TRPV3: variants seen among roughly 807,000 people sequenced by gnomAD.
TRPV3 encodes the protein VRL-3.
Under a neutral mutation model 87.1 loss-of-function variants are expected in TRPV3, and 88 were observed. The observed-to-expected ratio is 1.01, with a 90% confidence interval of 0.85 to 1.21. TRPV3 has a LOEUF of 1.21. Ranked by LOEUF, TRPV3 falls within the 50% of genes most tolerant of loss-of-function variation. The pLI, the probability that TRPV3 is intolerant of heterozygous loss-of-function variation, is 0.00. For missense variants in TRPV3, 1,054 were observed against 1,030.1 expected, an observed-to-expected ratio of 1.02 and a Z score of -0.32; for synonymous variants, 438 against 423.3, an observed-to-expected ratio of 1.03 and a Z score of -0.43.
chr17:3,541,616 A>T lies in TRPV3; in HGVS notation c.643+906T>A, dbSNP rs1567641619. Among the ~76,000 whole-genome samples the T allele has an allele frequency of 3.3e-5, 5 of 152,320 alleles. No individual in the cohort carries two copies. The South Asian group carries it at 1.0e-3, about 32-fold the overall frequency. On this transcript the variant is annotated intron_variant, in intron 6 of 17. Transcript: ENST00000576742. ...CTCTGGCCCACTTACAAAGAAATCC[A>T]CAAAACTGAGACCCAAATGGGGACA...
chr17:3,532,653 C>A lies in TRPV3; in HGVS notation c.1065+4G>T. 1.2e-6 allele frequency: 2 copies of A among 1,613,684 alleles called. No homozygotes were observed. Among genetic ancestry groups the A allele is most frequent in the Non-Finnish European group, 1.7e-6 (2 of 1,179,838 alleles). On this transcript the variant is annotated splice_donor_region_variant and intron_variant, in intron 8 of 17. Transcript: ENST00000576742. Reference sequence around the variant, plus strand: ...TCCTGCCTCCCCACGCCCCATGGCCCCACCTCCGCCTTGCCCATCTTGGCG... The same window carrying A: ...TCCTGCCTCCCCACGCCCCATGGCCACACCTCCGCCTTGCCCATCTTGGCG...
intron 12 of TRPV3, 100 bp from the exon 13 acceptor site, chr17:3,524,463 C>T: frequency 6.8e-7 from 1 of 1,468,132 alleles, no homozygotes; most frequent in Non-Finnish European, 9.2e-7. Context: ...CCTGAACAGT[C>T]ACCCCGGTGA....
At position 3,528,645 on chromosome 17, in the gene TRPV3, G is replaced by A. The variant is rs975258917; in HGVS notation, c.1401+192C>T. Among the ~76,000 whole-genome samples the A allele has an allele frequency of 2.0e-5, 3 of 152,164 alleles. No individual in the cohort carries two copies. The highest frequency in any genetic ancestry group is 4.4e-5 in the Non-Finnish European group (3 of 68,026). On this transcript the variant is annotated intron_variant, in intron 10 of 17. Transcript: ENST00000576742. The surrounding 1 kb of genome is among the most constrained non-coding windows in gnomAD (Gnocchi z 4.2). ...CAGCAAGGGTCTGCCCTTGGGACTC[G>A]GCACCTGGGGCTTAGCCCAGGCTAA...
In TRPV3 at chr17:3,544,562, G is replaced by A; in HGVS notation, c.311+17C>T. On this transcript the variant is annotated intron_variant, in intron 4 of 17. Transcript: ENST00000576742. The stretch of plus-strand genomic sequence containing the variant: ...CCTGGGTGGGCACAGTGGGTGGAGG[G>A]GGAGGGGCAGACTTACCTGGGGCTG... The A allele has an allele frequency of 1.3e-6, 2 of 1,546,662 alleles. No individual in the cohort carries two copies. The highest frequency in any genetic ancestry group is 1.8e-6 in the Non-Finnish European group (2 of 1,130,728).
intron 11 of TRPV3, among the ~76,000 whole-genome samples, chr17:3,527,525 C>T (rs1275781021): frequency 1.3e-5 from 2 of 152,194 alleles, no homozygotes; most frequent in Admixed American, 6.5e-5. Context: ...ACCCTGTCAC[C>T]TCCTCCAGGG....
At position 3,518,477 on chromosome 17, in the gene TRPV3, G is replaced by T; in HGVS notation, c.2085+99C>A. Reference sequence around the variant, plus strand: ...CTGAGGAGCTTGTGCAGATTCTCAGGCCCCACCTCAGACCCACTGGTGCTG... The same window carrying T: ...CTGAGGAGCTTGTGCAGATTCTCAGTCCCCACCTCAGACCCACTGGTGCTG... On this transcript the variant is annotated intron_variant, in intron 15 of 17. Transcript: ENST00000576742. This position sits in a 1 kb window ranked among gnomAD's most constrained non-coding sequence, Gnocchi z 4.3. The T allele has an allele frequency of 7.3e-7, 1 of 1,375,382 alleles. No homozygotes were observed. The highest frequency in any genetic ancestry group is 9.7e-7 in the Non-Finnish European group (1 of 1,030,570). 85.2% of individuals were successfully genotyped at this position (1,375,382 alleles called of 1,614,324 possible).
chr17:3,543,833 C>T (rs1456737611), intron 4 of TRPV3, among the ~76,000 whole-genome samples: 1 of 152,144 alleles, frequency 6.6e-6, no homozygotes, highest in Admixed American at 6.6e-5. Context: ...GTCAAAATAC[C>T]TACATTTGGA....
intron 14 of TRPV3, among the ~76,000 whole-genome samples, chr17:3,520,424 C>A (rs1208092386): frequency 1.3e-5 from 2 of 152,162 alleles, no homozygotes; most frequent in Non-Finnish European, 2.9e-5. Context: ...CAAAGACCAT[C>A]AGTTGAGTTT....
At chr17:3,543,677 C>T (rs776715066) in intron 4 of TRPV3, 49 bp from the exon 5 acceptor site, 13 of 1,604,904 alleles carry the variant, frequency 8.1e-6, no homozygotes, top group Non-Finnish European at 1.0e-5. Context: ...CTCTCAAGCT[C>T]AATCTCTCCT....
At chr17:3,537,675 G>A (rs914172591) in intron 6 of TRPV3, among the ~76,000 whole-genome samples, 8 of 152,134 alleles carry the variant, frequency 5.3e-5, no homozygotes, top group Non-Finnish European at 1.2e-4. Flanking sequence ...AAGCCGAGGC[G>A]GGTGGATCAC....
At chr17:3,521,151 T>C (rs866539135) in intron 13 of TRPV3, 112 bp from the exon 14 acceptor site, 36 of 460,242 alleles carry the variant, frequency 7.8e-5, no homozygotes, top group Non-Finnish European at 1.2e-4. Context: ...TCTCTTCACT[T>C]GGGCCACTCT....
intron 16 of TRPV3, 98 bp downstream of exon 16, chr17:3,516,359 G>C (rs1306030211): frequency 1.1e-6 from 1 of 929,048 alleles, no homozygotes; most frequent in Non-Finnish European, 1.8e-6. Flanking sequence ...GTTATGGTTA[G>C]CAAGTGGCGG....
chr17:3,526,738 G>C, intron 12 of TRPV3, 116 bp downstream of exon 12: 1 of 800,362 alleles, frequency 1.2e-6, no homozygotes, highest in South Asian at 1.6e-5. Context: ...CCATGGCAGA[G>C]TGACTGGGAC....
intron 7 of TRPV3, among the ~76,000 whole-genome samples, chr17:3,534,191 A>G (rs1227134429): frequency 1.3e-5 from 2 of 152,128 alleles, no homozygotes; most frequent in Non-Finnish European, 2.9e-5. Flanking sequence ...CCCGTTTTCC[A>G]GGACACCCAC....
Position 3,557,290 on chromosome 17 carries a change from C to A in TRPV3, c.-3+386G>T, listed in dbSNP as rs1166018346. Among the ~76,000 whole-genome samples the A allele has an allele frequency of 1.3e-5, 2 of 152,120 alleles. No homozygotes were observed. The highest frequency in any genetic ancestry group is 1.3e-4 in the Admixed American group (2 of 15,274). ...GCCCCGTCTGTCTCCCACGGTGGGG[C>A]CACCTCCTCCCATCCTGAACTCCCA... On this transcript the variant is annotated intron_variant, in intron 1 of 17. Coordinates refer to ENST00000576742, the MANE Select transcript of TRPV3 (RefSeq NM_145068.4). The surrounding 1 kb of genome is among the most constrained non-coding windows in gnomAD (Gnocchi z 4.5).
chr17:3,543,279 G>C (rs111835484), intron 5 of TRPV3, among the ~76,000 whole-genome samples, 195 bp downstream of exon 5: 2,082 of 152,104 alleles, frequency 0.014, 37 homozygotes, highest in African/African-American at 0.047. Context: ...CCACACAGTA[G>C]TCAGACCCGA....
intron 16 of TRPV3, among the ~76,000 whole-genome samples, chr17:3,515,693 T>TA (rs35592655): frequency 0.98 from 147,442 of 149,754 alleles, 72,604 homozygotes; most frequent in South Asian, 1. Flanking sequence ...GTAAGGACTT[T>TA]AAAAAAAAAA....
Position 3,557,475 on chromosome 17 carries a change from T to C in TRPV3, c.-3+201A>G, listed in dbSNP as rs572765175. On this transcript the variant is annotated intron_variant, in intron 1 of 17. Transcript: ENST00000576742. This position sits in a 1 kb window ranked among gnomAD's most constrained non-coding sequence, Gnocchi z 4.5. ...CTGTAAGGACCTATATTCTCACACA[T>C]CCCTACAGCCAAGAGTGCAGCCAAG... Among the ~76,000 whole-genome samples, 2 of 152,240 alleles carry C rather than the reference T, an allele frequency of 1.3e-5. No individual in the cohort carries two copies. Among genetic ancestry groups the C allele is most frequent in the African/African-American group, 2.4e-5 (1 of 41,536 alleles).
intron 9 of TRPV3, among the ~76,000 whole-genome samples, chr17:3,529,805 C>G (rs1332204825): frequency 6.6e-6 from 1 of 150,450 alleles, no homozygotes; most frequent in East Asian, 2.0e-4. Context: ...CACCACCACT[C>G]AGGTCTACAG....
Sources: gnomAD v4.1 joint callset for allele counts (sites outside exome capture counted in the v4.1 genomes callset) on GRCh38, gnomAD v4.1.1 for gene constraint, Gnocchi (gnomAD v3.1) non-coding constraint, MANE v1.5 for transcripts, NCBI Gene and HGNC (gene_info 2026-07-23, HGNC 2026-07-21) for gene names.